CTNNA2: variants seen among roughly 807,000 people sequenced by gnomAD.
CTNNA2 encodes catenin alpha 2, also known as catenin alpha-2.
In CTNNA2, 42 loss-of-function variants were observed where a neutral mutation model predicts 101.0. The observed-to-expected ratio is 0.42, with a 90% CI of 0.32 to 0.54. The LOEUF (loss-of-function observed/expected upper bound fraction) is 0.54. Ranked by LOEUF, CTNNA2 falls within the 20% of genes least tolerant of loss-of-function variation. The pLI is 0.14. For missense variants in CTNNA2, 871 were observed against 1,223.1 expected (o/e 0.71, Z 4.29); for synonymous variants, 450 against 456.4 (o/e 0.99, Z 0.18).
chr2:80,122,619 C>A (rs1701903578), intron 7 of CTNNA2, among the ~76,000 whole-genome samples: 1 of 152,108 alleles, frequency 6.6e-6, no homozygotes, highest in Non-Finnish European at 1.5e-5. Context: ...AGATTTTGAT[C>A]CATGCTTGGC....
chr2:80,062,452 A>G (rs1410804796), intron 7 of CTNNA2, among the ~76,000 whole-genome samples: 2 of 152,164 alleles, frequency 1.3e-5, no homozygotes, highest in Non-Finnish European at 2.9e-5. Context: ...TGAAGTGACA[A>G]TTTAGCCAGT....
chr2:80,572,004 T>C (rs949401412), intron 12 of CTNNA2, among the ~76,000 whole-genome samples: 6 of 152,240 alleles, frequency 3.9e-5, no homozygotes, highest in African/African-American at 1.4e-4. Context: ...AATCAGCATT[T>C]CTTTAGAAGT....
intron 4 of CTNNA2, among the ~76,000 whole-genome samples, chr2:79,468,814 A>T (rs1670966871): frequency 6.6e-6 from 1 of 152,194 alleles, no homozygotes. Flanking sequence ...AGAAATAAAG[A>T]TGTTCTTTGA....
chr2:80,594,740 C>T (rs1281154865), intron 15 of CTNNA2, among the ~76,000 whole-genome samples: 2 of 151,914 alleles, frequency 1.3e-5, no homozygotes, highest in East Asian at 1.9e-4. Flanking sequence ...TTTACCAGCA[C>T]CATTTATTGA....
chr2:79,800,048 C>G (rs960158059), intron 3 of CTNNA2, among the ~76,000 whole-genome samples: 2 of 152,160 alleles, frequency 1.3e-5, no homozygotes, highest in Non-Finnish European at 2.9e-5. Flanking sequence ...TCCTAAGGAA[C>G]TTCACATGCA....
intron 18 of CTNNA2, among the ~76,000 whole-genome samples, chr2:80,636,604 A>T (rs1227121882): frequency 1.3e-5 from 2 of 152,162 alleles, no homozygotes; most frequent in African/African-American, 4.8e-5. Context: ...GGTTTTTAAT[A>T]TGAGATATTT....
chr2:79,935,579 T>C (rs968710965), intron 7 of CTNNA2, among the ~76,000 whole-genome samples: 2 of 152,170 alleles, frequency 1.3e-5, no homozygotes, highest in Non-Finnish European at 2.9e-5. Flanking sequence ...CTGGCTCACC[T>C]TGTTCAATGC....
At chr2:79,665,319 A>G (rs906839474) in intron 2 of CTNNA2, among the ~76,000 whole-genome samples, 3 of 152,030 alleles carry the variant, frequency 2.0e-5, no homozygotes, top group African/African-American at 7.2e-5. Flanking sequence ...CAGTGTTTTG[A>G]TTCCTGATTT....
chr2:79,922,852 T>G (rs1686766487), intron 7 of CTNNA2, among the ~76,000 whole-genome samples: 2 of 152,154 alleles, frequency 1.3e-5, no homozygotes, highest in Non-Finnish European at 2.9e-5. Context: ...ATTGCCACTC[T>G]GTGATTCTTT....
chr2:79,754,844 G>C (rs2105050804), intron 3 of CTNNA2, among the ~76,000 whole-genome samples: 1 of 152,132 alleles, frequency 6.6e-6, no homozygotes, highest in East Asian at 1.9e-4. Flanking sequence ...TGTATGGGGA[G>C]CGGAGGGGAT....
chr2:80,272,542 A>G (rs899921085), intron 7 of CTNNA2, among the ~76,000 whole-genome samples: 9 of 152,178 alleles, frequency 5.9e-5, no homozygotes, highest in African/African-American at 1.9e-4. Flanking sequence ...GACCCAGGGA[A>G]AAGAGGGAAA....
intron 17 of CTNNA2, 108 bp downstream of exon 17, chr2:80,608,426 G>C (rs1203001810): frequency 8.5e-7 from 1 of 1,177,692 alleles, no homozygotes; most frequent in African/African-American, 1.5e-5. Context: ...GTGATTTATA[G>C]GGAGGGCTTT....
chr2:79,438,291 C>T lies in CTNNA2; in HGVS notation c.-135+64278C>T, dbSNP rs373508461. ...CTTGGCATTTATTACACACTATGAA[C>T]TGTCTCTGTCTTTCAACCGTGAGTG... On this transcript the variant is annotated intron_variant, in intron 4 of 21. Coordinates refer to the CTNNA2 transcript ENST00000466387. Among the ~76,000 whole-genome samples the T allele has an allele frequency of 2.0e-5, 3 of 152,242 alleles. No individual in the cohort carries two copies. The East Asian group carries it at 5.8e-4, about 29-fold the overall frequency.
chr2:80,524,309 G>T (rs1388543263), intron 9 of CTNNA2, among the ~76,000 whole-genome samples: 1 of 152,146 alleles, frequency 6.6e-6, no homozygotes, highest in Non-Finnish European at 1.5e-5. Context: ...CACATTCCTT[G>T]TTCTCTTACC....
At chr2:79,753,088 A>T (rs1672153498) in intron 3 of CTNNA2, among the ~76,000 whole-genome samples, 1 of 152,106 alleles carries the variant, frequency 6.6e-6, no homozygotes, top group Non-Finnish European at 1.5e-5. Flanking sequence ...ACTATTGGAG[A>T]TGTTTTTCTA....
At chr2:80,159,418 A>G (rs1400596716) in intron 7 of CTNNA2, among the ~76,000 whole-genome samples, 5 of 152,226 alleles carry the variant, frequency 3.3e-5, no homozygotes, top group Non-Finnish European at 7.3e-5. Context: ...TGGTGTTTTC[A>G]CAACTTAAAC....
intron 7 of CTNNA2, among the ~76,000 whole-genome samples, chr2:80,107,404 A>G (rs1700955116): frequency 6.6e-6 from 1 of 152,158 alleles, no homozygotes; most frequent in Non-Finnish European, 1.5e-5. Flanking sequence ...TCTTGATTTC[A>G]GGGGGATGGT....
chr2:80,177,897 G>A (rs552682241), intron 7 of CTNNA2, among the ~76,000 whole-genome samples: 1 of 152,252 alleles, frequency 6.6e-6, no homozygotes, highest in African/African-American at 2.4e-5. Flanking sequence ...CAAGCAAAGT[G>A]CACAACAAGG....
intron 7 of CTNNA2, among the ~76,000 whole-genome samples, chr2:80,124,359 T>A (rs1024727769): frequency 1.3e-5 from 2 of 152,128 alleles, no homozygotes; most frequent in Non-Finnish European, 2.9e-5. Context: ...CCTTGCCTCA[T>A]TAGATCCTCA....
Sources: allele counts gnomAD v4.1 joint callset (sites outside exome capture counted in the v4.1 genomes callset), GRCh38; gene constraint gnomAD v4.1.1; transcripts MANE v1.5; gene names NCBI Gene and HGNC (gene_info 2026-07-23, HGNC 2026-07-21).